ADGRD1: variants seen among roughly 807,000 people sequenced by gnomAD.
The protein encoded by ADGRD1 is G-protein coupled receptor 133.
Under a neutral mutation model 113.4 loss-of-function variants are expected in ADGRD1, and 77 were observed. That is an observed-to-expected ratio of 0.68 (90% confidence interval 0.57 to 0.82). ADGRD1 has a LOEUF of 0.82. Among genes scored for constraint, ADGRD1 ranks in the 40% least tolerant of loss-of-function variants. The probability of loss-of-function intolerance (pLI) is 0.00; values close to 1 mark genes in which losing one functional copy is unlikely to be tolerated. For missense variants in ADGRD1, 1,036 were observed against 1,139.1 expected (o/e 0.91, Z 1.30); for synonymous variants, 474 against 475.0 (o/e 1.00, Z 0.03).
intron 12 of ADGRD1, among the ~76,000 whole-genome samples, chr12:131,010,921 C>G: frequency 6.6e-6 from 1 of 152,176 alleles, no homozygotes; most frequent in South Asian, 2.1e-4. Flanking sequence ...GAAAAGAATC[C>G]TGGCCCCACT....
chr12:131,112,213 C>CAA (rs1950361335), intron 18 of ADGRD1, among the ~76,000 whole-genome samples: 1 of 152,194 alleles, frequency 6.6e-6, no homozygotes. Flanking sequence ...CATGTACAGT[C>CAA]ACCCTGGGAT....
chr12:131,014,151 T>A (rs551169156), intron 12 of ADGRD1, 48 bp from the exon 13 acceptor site: 1 of 1,591,148 alleles, frequency 6.3e-7, no homozygotes, highest in African/African-American at 1.3e-5. Context: ...AGCTGTGTGC[T>A]GCTCCCCTGC....
intron 8 of ADGRD1, among the ~76,000 whole-genome samples, chr12:130,993,150 G>C (rs1030122151): frequency 6.6e-6 from 1 of 152,150 alleles, no homozygotes; most frequent in Non-Finnish European, 1.5e-5. Context: ...TAATAACAGC[G>C]CCCACTTCAT....
chr12:131,032,484 G>A (rs577286948), intron 13 of ADGRD1, among the ~76,000 whole-genome samples: 3 of 152,308 alleles, frequency 2.0e-5, no homozygotes, highest in South Asian at 2.1e-4. Flanking sequence ...TTCCCCGAGT[G>A]TTCTTGCTGC....
chr12:130,991,294 A>T (rs957038640), intron 7 of ADGRD1, among the ~76,000 whole-genome samples: 5 of 152,096 alleles, frequency 3.3e-5, no homozygotes, highest in Non-Finnish European at 7.4e-5. Context: ...GCCACCAGGA[A>T]CCTCAGGTGC....
chr12:131,110,617 C>A (rs55735207), intron 18 of ADGRD1, among the ~76,000 whole-genome samples: 5 of 152,124 alleles, frequency 3.3e-5, no homozygotes, highest in Non-Finnish European at 5.9e-5. Context: ...AGAGCAAGTA[C>A]ATATTTATAG....
intron 13 of ADGRD1, among the ~76,000 whole-genome samples, chr12:131,021,819 G>A (rs968901573): frequency 1.3e-5 from 2 of 152,078 alleles, no homozygotes; most frequent in African/African-American, 4.8e-5. Context: ...CCATCCTCCT[G>A]CGTCAGCCTC....
At chr12:131,117,791 G>A (rs146217397) in intron 18 of ADGRD1, among the ~76,000 whole-genome samples, 1 of 152,328 alleles carries the variant, frequency 6.6e-6, no homozygotes, top group African/African-American at 2.4e-5. Context: ...GCATGGCAAA[G>A]TCAGCCATGT....
rs562926986 is a variant in ADGRD1, at chr12:131,010,682, G to C, written c.1332-3517G>C. Among the ~76,000 whole-genome samples, 78 of 152,328 alleles carry C rather than the reference G, an allele frequency of 5.1e-4. 1 individual carries two copies. The South Asian group carries it at 0.015, about 30-fold the overall frequency. ...GACGCAGAGCCTGACCATCGGTGGG[G>C]CTCCGTGGGGCCAGGTAGTAACTTG... On this transcript the variant is annotated intron_variant, in intron 12 of 24. Transcript: ENST00000261654.
chr12:131,130,433 C>G (rs1020936127), intron 20 of ADGRD1, among the ~76,000 whole-genome samples: 16 of 152,146 alleles, frequency 1.1e-4, no homozygotes, highest in Admixed American at 9.2e-4. Context: ...GGCCCCACCA[C>G]GCACCACTCT....
At chr12:131,043,401 C>A (rs1444019343) in intron 13 of ADGRD1, among the ~76,000 whole-genome samples, 2 of 152,254 alleles carry the variant, frequency 1.3e-5, no homozygotes, top group Non-Finnish European at 2.9e-5. Flanking sequence ...GGGGTGAAAA[C>A]CATCCCTTTG....
chr12:131,068,569 G>A (rs987815817), intron 13 of ADGRD1, among the ~76,000 whole-genome samples: 1 of 152,128 alleles, frequency 6.6e-6, no homozygotes, highest in Non-Finnish European at 1.5e-5. Flanking sequence ...AGGCCTCTAT[G>A]AACCCCTGAC....
At chr12:131,011,954 T>C (rs1631544) in intron 12 of ADGRD1, among the ~76,000 whole-genome samples, 97,099 of 151,994 alleles carry the variant, frequency 0.64, 31,726 homozygotes, top group East Asian at 0.83. Context: ...CCGCGGGGCT[T>C]TGCCTTGGTC....
At chr12:130,958,528 G>A (rs535358277) in intron 2 of ADGRD1, among the ~76,000 whole-genome samples, 3 of 152,132 alleles carry the variant, frequency 2.0e-5, no homozygotes, top group South Asian at 2.1e-4. Context: ...CTTCTCTTCC[G>A]ACATCTCAGG....
At chr12:131,047,261 C>T (rs1218790666) in intron 13 of ADGRD1, among the ~76,000 whole-genome samples, 2 of 151,970 alleles carry the variant, frequency 1.3e-5, no homozygotes, top group African/African-American at 4.8e-5. Context: ...CTGGGTGTGG[C>T]CAGTCTCTGT....
rs368593605 is a variant in ADGRD1 at position 131,131,718 on chromosome 12, T to C, written c.2176-7T>C. On this transcript the variant is annotated splice_polypyrimidine_tract_variant and splice_region_variant and intron_variant, in intron 20 of 24. Coordinates refer to ENST00000261654, the MANE Select transcript of ADGRD1 (RefSeq NM_198827.5). The stretch of plus-strand genomic sequence containing the variant: ...CCCCTCACCTTCCTCCATGGTTTCT[T>C]GTGCAGGTCAACATTGGCATCCTCA... 8 of 1,601,088 alleles carry C rather than the reference T, an allele frequency of 5.0e-6. No individual in the cohort carries two copies. The African/African-American group carries it at 9.4e-5, about 19-fold the overall frequency.
At chr12:131,015,279 G>C (rs35281610) in intron 13 of ADGRD1, among the ~76,000 whole-genome samples, 11,584 of 152,344 alleles carry the variant, frequency 0.076, 602 homozygotes, top group Middle Eastern at 0.11. Flanking sequence ...GATGGTACTG[G>C]AGACGGAGAT....
chr12:131,072,097 A>G (rs1885229925), intron 13 of ADGRD1, among the ~76,000 whole-genome samples: 1 of 150,874 alleles, frequency 6.6e-6, no homozygotes, highest in African/African-American at 2.4e-5. Context: ...TGAAACAGCA[A>G]TGCAGTTTCC....
chr12:131,036,400 C>CT, intron 13 of ADGRD1, among the ~76,000 whole-genome samples: 1 of 151,146 alleles, frequency 6.6e-6, no homozygotes. Context: ...TTACTCACTG[C>CT]ACCAGGGTCT....
Sources: allele counts gnomAD v4.1 joint callset (sites outside exome capture counted in the v4.1 genomes callset), GRCh38; gene constraint gnomAD v4.1.1; transcripts MANE v1.5; gene names NCBI Gene and HGNC (gene_info 2026-07-23, HGNC 2026-07-21).